The following ABLIM1 variants were observed in gnomAD, a reference collection of about 807,000 sequenced individuals.
ABLIM1 encodes actin-binding LIM protein 1.
In ABLIM1, 40 loss-of-function variants were observed where a neutral mutation model predicts 107.0. The observed-to-expected ratio is 0.37, with a 90% confidence interval of 0.29 to 0.49. The LOEUF is 0.49. Among genes scored for constraint, ABLIM1 ranks in the 20% least tolerant of loss-of-function variants. The pLI is 0.97. For missense variants in ABLIM1, 857 were observed against 1,008.5 expected, an observed-to-expected ratio of 0.85 and a Z score of 2.04; for synonymous variants, 357 against 357.3, an observed-to-expected ratio of 1.00 and a Z score of 0.01.
chr10:114,443,667 T>C (rs1464625573), intron 17 of ABLIM1, among the ~76,000 whole-genome samples: 2 of 125,962 alleles, frequency 1.6e-5, no homozygotes, highest in Non-Finnish European at 3.3e-5. Flanking sequence ...CTTATTCATG[T>C]TATCTAAAAA....
intron 4 of ABLIM1, among the ~76,000 whole-genome samples, chr10:114,553,873 T>C (rs567389287): frequency 1.3e-5 from 2 of 152,274 alleles, no homozygotes; most frequent in East Asian, 1.9e-4. Flanking sequence ...TGGAGGTACA[T>C]GAATGTCCCA....
chr10:114,436,644 T>C (rs1050077307), intron 22 of ABLIM1, among the ~76,000 whole-genome samples: 7 of 152,170 alleles, frequency 4.6e-5, no homozygotes, highest in Admixed American at 4.6e-4. Flanking sequence ...AGAGGTGATT[T>C]ATTACATTGG....
At chr10:114,436,403 C>T (rs775882101) in intron 22 of ABLIM1, 30 bp from the exon 23 acceptor site, 3 of 1,507,388 alleles carry the variant, frequency 2.0e-6, no homozygotes, top group East Asian at 2.3e-5. Flanking sequence ...AAAAGAGCTG[C>T]TGTCAGTCCT....
At chr10:114,481,293 T>C (rs1448335201) in intron 8 of ABLIM1, among the ~76,000 whole-genome samples, 1 of 151,894 alleles carries the variant, frequency 6.6e-6, no homozygotes, top group Non-Finnish European at 1.5e-5. Flanking sequence ...CCTCCCCCCA[T>C]TCAGCAGGAG....
intron 8 of ABLIM1, chr10:114,485,375 T>C (rs1286051427): frequency 6.2e-7 from 1 of 1,611,710 alleles, no homozygotes; most frequent in African/African-American, 1.3e-5. Flanking sequence ...GCCGAATGTT[T>C]GGCAGCTGCC....
intron 1 of ABLIM1, among the ~76,000 whole-genome samples, chr10:114,701,093 GA>G (rs1418622965): frequency 6.6e-6 from 1 of 151,954 alleles, no homozygotes; most frequent in Non-Finnish European, 1.5e-5. Flanking sequence ...AACTCAATAA[GA>G]AAAATAATGC....
At chr10:114,507,244 C>A (rs764623785) in intron 6 of ABLIM1, among the ~76,000 whole-genome samples, 3 of 152,120 alleles carry the variant, frequency 2.0e-5, no homozygotes, top group Non-Finnish European at 4.4e-5. Context: ...TTACCTAGCA[C>A]AAATTCTGTG....
At chr10:114,613,705 A>C (rs1187557898) in intron 1 of ABLIM1, 1 of 1,321,082 alleles carries the variant, frequency 7.6e-7, no homozygotes, top group Non-Finnish European at 1.0e-6. Context: ...AAAGCATGAG[A>C]CCTGTGTTCA....
At chr10:114,556,267 T>A (rs1293805902) in intron 4 of ABLIM1, among the ~76,000 whole-genome samples, 1 of 152,178 alleles carries the variant, frequency 6.6e-6, no homozygotes, top group Non-Finnish European at 1.5e-5. Flanking sequence ...AAGAGAAGGG[T>A]GACCTGAACG....
rs777380107 is a variant in ABLIM1 at position 114,629,752 on chromosome 10, C to A, written c.245-27791G>T. On this transcript the variant is annotated intron_variant, in intron 1 of 22. Transcript: ENST00000533213. The surrounding 1 kb of genome is among the most constrained non-coding windows in gnomAD (Gnocchi z 4.0). Reference sequence around the variant, plus strand: ...CTCATCTCTAGGATGAATGCCTGGACTAAACGATCCCCAGTGCCCTTCTCA... The same window carrying A: ...CTCATCTCTAGGATGAATGCCTGGAATAAACGATCCCCAGTGCCCTTCTCA... Among the ~76,000 whole-genome samples, 24 of 152,202 alleles carry A rather than the reference C, an allele frequency of 1.6e-4. No homozygotes were observed. The highest frequency in any genetic ancestry group is 1.0e-3 in the Admixed American group (16 of 15,276).
In ABLIM1 at chr10:114,695,847, C is replaced by T. The variant is rs376553607; in HGVS notation, c.-213+72214G>A. 3.3e-5 allele frequency among the ~76,000 whole-genome samples: 5 copies of T among 152,222 alleles called. No homozygotes were observed. The East Asian group carries it at 7.7e-4, about 24-fold the overall frequency. ...GGCACCTCAAATTTTGATCTCTGAT[C>T]GTAAGAGATTATGAGGATGTCAGTT... is the stretch of plus-strand genomic sequence containing the variant. On this transcript the variant is annotated intron_variant, in intron 1 of 15. Coordinates refer to the ABLIM1 transcript ENST00000651092.
At chr10:114,557,834 T>C in intron 4 of ABLIM1, among the ~76,000 whole-genome samples, 1 of 38,920 alleles carries the variant, frequency 2.6e-5, no homozygotes, top group African/African-American at 1.2e-4. Flanking sequence ...CCCTTATGAC[T>C]CTCAAAAAAA....
intron 2 of ABLIM1, among the ~76,000 whole-genome samples, chr10:114,587,569 T>A (rs779427522): frequency 6.6e-6 from 1 of 152,206 alleles, no homozygotes; most frequent in Non-Finnish European, 1.5e-5. Context: ...TAAAGTGCCA[T>A]CTTTTCAAGA....
At chr10:114,439,079 G>A in intron 21 of ABLIM1, 97 bp downstream of exon 21, 3 of 1,450,436 alleles carry the variant, frequency 2.1e-6, no homozygotes, top group Non-Finnish European at 2.9e-6. Flanking sequence ...GAACACACCA[G>A]CCTACAACAC....
intron 1 of ABLIM1, among the ~76,000 whole-genome samples, chr10:114,630,962 G>C (rs999541493): frequency 6.6e-6 from 1 of 152,166 alleles, no homozygotes; most frequent in Non-Finnish European, 1.5e-5. Flanking sequence ...ATATGTGTCT[G>C]TCTCTAATTC....
chr10:114,517,980 T>C (rs1170999610), intron 6 of ABLIM1, among the ~76,000 whole-genome samples: 1 of 152,102 alleles, frequency 6.6e-6, no homozygotes, highest in African/African-American at 2.4e-5. Context: ...TTTTTTTTTT[T>C]GGTATTTGTC....
upstream of ABLIM1, chr10:114,685,133 T>G (rs1451940672): frequency 2.0e-5 from 3 of 152,218 alleles, no homozygotes; most frequent in Admixed American, 2.0e-4. Context: ...GATGTTGGGC[T>G]GGATTATCCA....
chr10:114,648,421 T>G (rs2079096600), intron 1 of ABLIM1, among the ~76,000 whole-genome samples: 1 of 152,098 alleles, frequency 6.6e-6, no homozygotes, highest in Admixed American at 6.6e-5. Context: ...TAAAAGAAGC[T>G]AGACACAAAA....
At chr10:114,452,823 A>G (rs1320155543) in intron 13 of ABLIM1, among the ~76,000 whole-genome samples, 3 of 152,230 alleles carry the variant, frequency 2.0e-5, no homozygotes, top group Non-Finnish European at 4.4e-5. Context: ...TGCAGCACCA[A>G]GCCTAAATTG....
Sources: allele counts gnomAD v4.1 joint callset (sites outside exome capture counted in the v4.1 genomes callset), GRCh38; gene constraint gnomAD v4.1.1; non-coding constraint Gnocchi (gnomAD v3.1); transcripts MANE v1.5; gene names NCBI Gene and HGNC (gene_info 2026-07-23, HGNC 2026-07-21).